Variants in CFAP299 observed in about 807,000 individuals in gnomAD.
The protein encoded by CFAP299 is cilia- and flagella-associated protein 299.
A neutral mutation model predicts 27.0 loss-of-function variants in CFAP299; 21 were observed. That is an observed-to-expected ratio of 0.78 (90% CI 0.55 to 1.12). The LOEUF (loss-of-function observed/expected upper bound fraction) is 1.12, where lower values mean the gene tolerates loss of function less well. Ranked by LOEUF, CFAP299 falls within the 50% of genes most tolerant of loss-of-function variation. The pLI is 0.00. For synonymous variants in CFAP299, 104 were observed against 98.1 expected (o/e 1.06, Z -0.36); for missense variants, 310 against 276.6 (o/e 1.12, Z -0.86).
chr4:80,698,443 T>C (rs1052675382), intron 3 of CFAP299, among the ~76,000 whole-genome samples: 4 of 152,218 alleles, frequency 2.6e-5, no homozygotes, highest in African/African-American at 7.2e-5. Context: ...TTTGAACTTA[T>C]TAATACGTCA....
chr4:80,487,905 A>G (rs888374948), intron 2 of CFAP299, among the ~76,000 whole-genome samples: 16 of 152,202 alleles, frequency 1.1e-4, no homozygotes, highest in African/African-American at 3.9e-4. Flanking sequence ...ATAGATGGAA[A>G]AGTAATGATG....
At chr4:80,782,149 T>C (rs541623012) in intron 3 of CFAP299, among the ~76,000 whole-genome samples, 2 of 152,164 alleles carry the variant, frequency 1.3e-5, no homozygotes, top group Admixed American at 1.3e-4. Context: ...GGCTGTGTGA[T>C]TGGTTCAGGG....
intron 2 of CFAP299, among the ~76,000 whole-genome samples, chr4:80,412,391 A>G (rs1415634765): frequency 6.6e-6 from 1 of 152,206 alleles, no homozygotes; most frequent in Non-Finnish European, 1.5e-5. Context: ...TGGGATAAAA[A>G]GATAAGCAAG....
At chr4:80,499,495 C>G (rs1007939956) in intron 2 of CFAP299, among the ~76,000 whole-genome samples, 1 of 152,054 alleles carries the variant, frequency 6.6e-6, no homozygotes, top group African/African-American at 2.4e-5. Flanking sequence ...TTCAACATTA[C>G]TGTACATATT....
chr4:80,796,524 G>A lies in CFAP299; in HGVS notation c.334-73469G>A, dbSNP rs146795241. The stretch of plus-strand genomic sequence containing the variant: ...GTAGGATGGTAAATGTATATTGCTG[G>A]CCTTGCCAACTGAAGGCGAATTGCT... On this transcript the variant is annotated intron_variant, in intron 3 of 5. Coordinates refer to ENST00000358105, the MANE Select transcript of CFAP299 (RefSeq NM_152770.3). 1.9e-3 allele frequency among the ~76,000 whole-genome samples: 293 copies of A among 152,260 alleles called. 2 individuals carry two copies. The highest frequency in any genetic ancestry group is 6.5e-3 in the African/African-American group (272 of 41,554).
chr4:80,863,238 T>C (rs1732494158), intron 3 of CFAP299, among the ~76,000 whole-genome samples: 1 of 151,260 alleles, frequency 6.6e-6, no homozygotes, highest in South Asian at 2.1e-4. Flanking sequence ...GGCTTCACTG[T>C]CAATAAAGTC....
intron 2 of CFAP299, among the ~76,000 whole-genome samples, chr4:80,517,837 G>A (rs1046988179): frequency 6.6e-6 from 1 of 152,190 alleles, no homozygotes; most frequent in African/African-American, 2.4e-5. Context: ...AGGACATGGT[G>A]AGACAGTGAT....
intron 3 of CFAP299, among the ~76,000 whole-genome samples, chr4:80,794,977 G>C (rs1304874313): frequency 2.0e-5 from 3 of 152,116 alleles, no homozygotes; most frequent in Non-Finnish European, 4.4e-5. Context: ...ATGTTGCTGA[G>C]CCCATACATA....
intron 3 of CFAP299, among the ~76,000 whole-genome samples, chr4:80,657,772 G>A (rs932723678): frequency 6.6e-5 from 10 of 151,986 alleles, no homozygotes; most frequent in East Asian, 1.9e-4. Context: ...GAAAAAAGTC[G>A]ATGGTAGCTT....
the CFAP299 span, among the ~76,000 whole-genome samples, chr4:80,323,191 A>T: frequency 6.6e-6 from 1 of 152,232 alleles, no homozygotes; most frequent in Non-Finnish European, 1.5e-5. Context: ...GTTCTGGACC[A>T]GGCTCCTGAA....
chr4:80,859,238 C>T (rs1732149158), intron 3 of CFAP299, among the ~76,000 whole-genome samples: 1 of 151,994 alleles, frequency 6.6e-6, no homozygotes, highest in Non-Finnish European at 1.5e-5. Flanking sequence ...GCAACCCCTG[C>T]CTTTTTTTGT....
chr4:80,604,772 C>A (rs1355398062), intron 3 of CFAP299, among the ~76,000 whole-genome samples: 1 of 151,076 alleles, frequency 6.6e-6, no homozygotes, highest in Non-Finnish European at 1.5e-5. Flanking sequence ...GGACAACAAT[C>A]AAAAAACGAA....
chr4:80,641,869 A>G (rs1453512625), intron 3 of CFAP299, among the ~76,000 whole-genome samples: 1 of 152,348 alleles, frequency 6.6e-6, no homozygotes, highest in African/African-American at 2.4e-5. Flanking sequence ...GTTTAAGGTA[A>G]AATCACATGA....
chr4:80,925,569 C>A lies in CFAP299; in HGVS notation c.477-19241C>A, dbSNP rs373514281. On this transcript the variant is annotated intron_variant, in intron 4 of 5. Coordinates refer to ENST00000358105, the MANE Select transcript of CFAP299 (RefSeq NM_152770.3). ...CCTCTTAAAAGTGACAACCCATACA[C>A]CTGCAATTATAGAGATATATGATAC... Among the ~76,000 whole-genome samples, 9 of 151,952 alleles carry A rather than the reference C, an allele frequency of 5.9e-5. No homozygotes were observed. The South Asian group carries it at 1.9e-3, about 32-fold the overall frequency.
At chr4:80,596,954 CAATT>C (rs1351078231) in intron 3 of CFAP299, among the ~76,000 whole-genome samples, 1 of 152,052 alleles carries the variant, frequency 6.6e-6, no homozygotes, top group African/African-American at 2.4e-5. Context: ...TTATGATACA[CAATT>C]ATTTTTGTTT....
At chr4:80,901,226 A>G (rs1212499830) in intron 4 of CFAP299, among the ~76,000 whole-genome samples, 2 of 152,196 alleles carry the variant, frequency 1.3e-5, no homozygotes, top group Non-Finnish European at 2.9e-5. Flanking sequence ...TTAGTTACAG[A>G]ATCTATTCCT....
chr4:80,495,347 TAAAG>T (rs1731381862), intron 2 of CFAP299, among the ~76,000 whole-genome samples: 2 of 152,140 alleles, frequency 1.3e-5, no homozygotes, highest in South Asian at 4.1e-4. Flanking sequence ...GGAAATCATA[TAAAG>T]AAACATTCAG....
intron 4 of CFAP299, among the ~76,000 whole-genome samples, chr4:80,908,100 C>A (rs1735275313): frequency 6.6e-6 from 1 of 152,176 alleles, no homozygotes; most frequent in Admixed American, 6.5e-5. Flanking sequence ...GCTCAGGGAA[C>A]CTGAAGTGTC....
intron 2 of CFAP299, among the ~76,000 whole-genome samples, chr4:80,537,748 A>C (rs911560831): frequency 2.6e-5 from 4 of 151,918 alleles, no homozygotes; most frequent in Non-Finnish European, 5.9e-5. Flanking sequence ...AATTGTGGAG[A>C]TCCATTGTAT....
Sources: allele counts gnomAD v4.1 joint callset (sites outside exome capture counted in the v4.1 genomes callset), GRCh38; gene constraint gnomAD v4.1.1; transcripts MANE v1.5; gene names NCBI Gene and HGNC (gene_info 2026-07-23, HGNC 2026-07-21).